VAV2: variants seen among roughly 807,000 people sequenced by gnomAD.
The protein encoded by VAV2 is vav guanine nucleotide exchange factor 2.
In VAV2, 67 loss-of-function variants were observed where a neutral mutation model predicts 132.5. The ratio of observed to expected loss-of-function variants is 0.51; its 90% confidence interval spans 0.42 to 0.62. The LOEUF (loss-of-function observed/expected upper bound fraction) is 0.62, where lower values mean the gene tolerates loss of function less well. Among genes scored for constraint, VAV2 ranks in the 20% least tolerant of loss-of-function variants. The pLI is 0.00. For synonymous variants in VAV2, 492 were observed against 443.5 expected, an observed-to-expected ratio of 1.11 and a Z score of -1.37; for missense variants, 938 against 1,153.6, an observed-to-expected ratio of 0.81 and a Z score of 2.71.
In VAV2 at chr9:133,827,635, G is replaced by GACCACT. The variant is rs1836075970; in HGVS notation, c.449+6636_449+6637insAGTGGT. Among the ~76,000 whole-genome samples the GACCACT allele has an allele frequency of 1.4e-3, 4 of 2,952 alleles. 1 individual carries two copies. Among genetic ancestry groups the GACCACT allele is most frequent in the Non-Finnish European group, 3.4e-3 (4 of 1,176 alleles). The allele number at this position is 2,952 out of a possible 152,430, so 1.9% of individuals were successfully genotyped here. ...TGCCCACTGAGGCTGACCACTGAGT[G>GACCACT]GGGGCATCACCACCTACCGCTGCGC... is the stretch of plus-strand genomic sequence containing the variant. On this transcript the variant is annotated intron_variant, in intron 4 of 29. Transcript: ENST00000371850.
chr9:133,917,945 C>T (rs1402166323), intron 2 of VAV2, among the ~76,000 whole-genome samples: 1 of 151,924 alleles, frequency 6.6e-6, no homozygotes, highest in Admixed American at 6.6e-5. Context: ...TCCCCAGCCC[C>T]CTAAGCCCCG....
chr9:133,932,848 G>A (rs61326680), intron 2 of VAV2, among the ~76,000 whole-genome samples: 3 of 152,222 alleles, frequency 2.0e-5, no homozygotes, highest in Non-Finnish European at 4.4e-5. Flanking sequence ...AGGGTTTCCA[G>A]GGGTCCATCT....
chr9:133,950,108 C>A (rs1240870791), intron 1 of VAV2, among the ~76,000 whole-genome samples: 1 of 152,188 alleles, frequency 6.6e-6, no homozygotes, highest in African/African-American at 2.4e-5. Context: ...GCTGAAAAGT[C>A]AAGATCTCAA....
At chr9:133,965,989 A>G (rs1842128854) in intron 1 of VAV2, among the ~76,000 whole-genome samples, 1 of 152,246 alleles carries the variant, frequency 6.6e-6, no homozygotes, top group Non-Finnish European at 1.5e-5. Context: ...ACACATTTAC[A>G]GTCAACTCAT....
At chr9:133,783,738 G>A (rs1402713207) in intron 18 of VAV2, 147 bp from the exon 19 acceptor site, 2 of 707,690 alleles carry the variant, frequency 2.8e-6, no homozygotes, top group Non-Finnish European at 2.5e-6. Context: ...GAGTATCCAG[G>A]ACCCTCCCTT....
chr9:133,905,200 G>C (rs1054915144), intron 2 of VAV2, among the ~76,000 whole-genome samples: 1 of 151,920 alleles, frequency 6.6e-6, no homozygotes, highest in African/African-American at 2.4e-5. Context: ...AGGCCAAGGC[G>C]GGTGGATCAC....
At chr9:133,791,940 CTGTACTG>C in intron 12 of VAV2, 71 bp from the exon 13 acceptor site, 1 of 1,127,976 alleles carries the variant, frequency 8.9e-7, no homozygotes, top group Non-Finnish European at 1.3e-6. Flanking sequence ...TGTAAGCAGG[CTGTACTG>C]GGTGGGGTGT....
At chr9:133,859,618 T>C (rs577879603) in intron 3 of VAV2, among the ~76,000 whole-genome samples, 2 of 151,160 alleles carry the variant, frequency 1.3e-5, no homozygotes, top group South Asian at 2.1e-4. Flanking sequence ...CTGCCTAATA[T>C]GTAAAAAAAA....
intron 4 of VAV2, among the ~76,000 whole-genome samples, chr9:133,827,264 C>G (rs774788034): frequency 0.035 from 618 of 17,742 alleles, 45 homozygotes; most frequent in African/African-American, 0.14. Flanking sequence ...GGCATCACCA[C>G]CTACCGCTGC....
intron 19 of VAV2, 86 bp from the exon 20 acceptor site, chr9:133,780,796 C>A: frequency 1.6e-6 from 2 of 1,242,442 alleles, no homozygotes; most frequent in Admixed American, 4.2e-5. Context: ...CCCCGAGCCT[C>A]TGGGCCGAGC....
intron 4 of VAV2, among the ~76,000 whole-genome samples, chr9:133,822,838 A>G (rs2502751): frequency 0.18 from 27,552 of 152,178 alleles, 2,922 homozygotes; most frequent in African/African-American, 0.28. Context: ...CACAAGGACT[A>G]GGCCCAGGGG....
chr9:133,884,194 G>A lies in VAV2; in HGVS notation c.322-22762C>T, dbSNP rs1838610778. Among the ~76,000 whole-genome samples, 1 of 151,984 alleles carries A rather than the reference G, an allele frequency of 6.6e-6. No homozygotes were observed. The highest frequency in any genetic ancestry group is 2.1e-4 in the South Asian group (1 of 4,800). ...TCTAGCAACTCATGAGCAAAGAGAG[G>A]GAATCCAAAATAAATGGTAACCAAC... On this transcript the variant is annotated intron_variant, in intron 2 of 29. Coordinates refer to ENST00000371850, the MANE Select transcript of VAV2 (RefSeq NM_001134398.2). The surrounding 1 kb of genome is among the most constrained non-coding windows in gnomAD (Gnocchi z 5.3).
intron 9 of VAV2, among the ~76,000 whole-genome samples, chr9:133,801,210 G>A (rs757525871): frequency 2.6e-5 from 4 of 152,244 alleles, no homozygotes; most frequent in Non-Finnish European, 5.9e-5. Flanking sequence ...GGGAATGGCA[G>A]GCACTTGAAG....
In VAV2 at chr9:133,961,973, A is replaced by T. The variant is rs1303915648; in HGVS notation, c.205-22754T>A. Among the ~76,000 whole-genome samples, 1 of 151,962 alleles carries T rather than the reference A, an allele frequency of 6.6e-6. No homozygotes were observed. Among genetic ancestry groups the T allele is most frequent in the East Asian group, 1.9e-4 (1 of 5,148 alleles). ...TCATCCCCCATGCCGGGTGCTGGGG[A>T]CCCTCTTCCTGAATGGTCCTCAGCC... On this transcript the variant is annotated intron_variant, in intron 1 of 29. Coordinates refer to ENST00000371850, the MANE Select transcript of VAV2 (RefSeq NM_001134398.2). The surrounding 1 kb of genome is among the most constrained non-coding windows in gnomAD (Gnocchi z 4.1).
intron 2 of VAV2, among the ~76,000 whole-genome samples, chr9:133,931,899 C>T (rs1025349678): frequency 2.6e-5 from 4 of 152,212 alleles, no homozygotes; most frequent in Non-Finnish European, 4.4e-5. Context: ...TGTTACCGTG[C>T]ACCAGTTGCT....
At chr9:133,842,426 G>A (rs932557639) in intron 3 of VAV2, among the ~76,000 whole-genome samples, 1 of 152,232 alleles carries the variant, frequency 6.6e-6, no homozygotes, top group Non-Finnish European at 1.5e-5. Context: ...ACTGGCTCAC[G>A]GCCCTAAGGG....
intron 2 of VAV2, among the ~76,000 whole-genome samples, chr9:133,878,549 A>G (rs1404374630): frequency 1.3e-5 from 2 of 152,088 alleles, no homozygotes; most frequent in Admixed American, 1.3e-4. Flanking sequence ...AGTCACCATC[A>G]TCGTTGCTGC....
At chr9:133,778,734 C>G (rs778063260) in intron 22 of VAV2, 28 bp downstream of exon 22, 1 of 1,609,620 alleles carries the variant, frequency 6.2e-7, no homozygotes, top group South Asian at 1.1e-5. Flanking sequence ...GCCGGGGACC[C>G]TCGACCCTCC....
chr9:133,814,478 G>C (rs1835479676), intron 4 of VAV2, among the ~76,000 whole-genome samples: 1 of 152,266 alleles, frequency 6.6e-6, no homozygotes, highest in Non-Finnish European at 1.5e-5. Flanking sequence ...AAGCTTCCAG[G>C]CTGCTGAACG....
Sources: gnomAD v4.1 joint callset for allele counts (sites outside exome capture counted in the v4.1 genomes callset) on GRCh38, gnomAD v4.1.1 for gene constraint, Gnocchi (gnomAD v3.1) non-coding constraint, MANE v1.5 for transcripts, NCBI Gene and HGNC (gene_info 2026-07-23, HGNC 2026-07-21) for gene names.